The following SLIT3 variants were observed in gnomAD, a reference collection of about 807,000 sequenced individuals.
SLIT3 encodes the protein slit homolog 3 protein.
A neutral mutation model predicts 184.0 loss-of-function variants in SLIT3; 68 were observed. That is an observed-to-expected ratio of 0.37 (90% CI 0.30 to 0.45). SLIT3 has a LOEUF of 0.45. Among genes scored for constraint, SLIT3 ranks in the 20% least tolerant of loss-of-function variants. The pLI is 1.00. For synonymous variants in SLIT3, 831 were observed against 828.6 expected (o/e 1.00, Z -0.05); for missense variants, 1,707 against 2,026.0 (o/e 0.84, Z 3.02).
intron 3 of SLIT3, among the ~76,000 whole-genome samples, chr5:169,242,542 GCAGA>G (rs1765437713): frequency 6.6e-6 from 1 of 152,162 alleles, no homozygotes; most frequent in Non-Finnish European, 1.5e-5. Context: ...CTGGCTTGAT[GCAGA>G]CAAACACTGG....
chr5:169,215,240 C>T (rs951520150), intron 3 of SLIT3, among the ~76,000 whole-genome samples: 1 of 152,094 alleles, frequency 6.6e-6, no homozygotes, highest in Admixed American at 6.6e-5. Flanking sequence ...ACTCTCTCAC[C>T]TCTGGGCCTT....
chr5:169,287,555 T>G (rs1202695403), intron 1 of SLIT3, among the ~76,000 whole-genome samples: 1 of 152,104 alleles, frequency 6.6e-6, no homozygotes, highest in Admixed American at 6.5e-5. Flanking sequence ...TCTAATGCAT[T>G]TCCCTTTGGA....
intron 11 of SLIT3, among the ~76,000 whole-genome samples, chr5:168,786,212 C>T (rs541871937): frequency 5.9e-5 from 9 of 152,290 alleles, no homozygotes; most frequent in African/African-American, 2.2e-4. Flanking sequence ...CTGCTCCATT[C>T]CTGGGCAACC....
chr5:168,689,366 A>G (rs1475244177), intron 29 of SLIT3, among the ~76,000 whole-genome samples: 4 of 152,328 alleles, frequency 2.6e-5, no homozygotes, highest in Non-Finnish European at 5.9e-5. Context: ...GGGTCTATTG[A>G]TTCTGCACAA....
At chr5:168,965,673 G>A (rs955827399) in intron 4 of SLIT3, among the ~76,000 whole-genome samples, 1 of 152,172 alleles carries the variant, frequency 6.6e-6, no homozygotes, top group Non-Finnish European at 1.5e-5. Context: ...CCTACCCTAA[G>A]TACAGACAGA....
intron 4 of SLIT3, among the ~76,000 whole-genome samples, chr5:169,103,072 C>A (rs1472001059): frequency 6.6e-6 from 1 of 152,196 alleles, no homozygotes; most frequent in African/African-American, 2.4e-5. Flanking sequence ...CCACGCCCTA[C>A]TCATGGTATT....
At chr5:168,869,388 A>T (rs551648850) in intron 5 of SLIT3, among the ~76,000 whole-genome samples, 4 of 152,158 alleles carry the variant, frequency 2.6e-5, no homozygotes, top group Non-Finnish European at 5.9e-5. Context: ...ATCATCTGTA[A>T]ACTGGTGATG....
At chr5:169,237,968 T>C (rs1337237585) in intron 3 of SLIT3, among the ~76,000 whole-genome samples, 6 of 152,204 alleles carry the variant, frequency 3.9e-5, no homozygotes, top group Admixed American at 3.3e-4. Flanking sequence ...TTGAAAAGAT[T>C]ATTCCTTCTC....
In SLIT3 at chr5:169,110,060, C is replaced by G. The variant is rs74904104; in HGVS notation, c.413+83419G>C. Among the ~76,000 whole-genome samples, 117 of 152,296 alleles carry G rather than the reference C, an allele frequency of 7.7e-4. 4 individuals are homozygous for G. The East Asian group carries it at 0.022, about 28-fold the overall frequency. On this transcript the variant is annotated intron_variant, in intron 4 of 35. Coordinates refer to ENST00000519560, the MANE Select transcript of SLIT3 (RefSeq NM_003062.4). ...TTGTAGATAGATCATGTTGGCCAGG[C>G]TTGTCTTGAACTCCTGACCTCAGGT...
chr5:168,972,969 G>A (rs1490033495), intron 4 of SLIT3, among the ~76,000 whole-genome samples: 2 of 152,176 alleles, frequency 1.3e-5, no homozygotes, highest in Admixed American at 1.3e-4. Flanking sequence ...TAAAAGCAGA[G>A]ATGAAGTGTT....
rs1756959552 is a variant in SLIT3 at position 168,806,426 on chromosome 5, T to C, written c.935+20A>G. On this transcript the variant is annotated intron_variant, in intron 9 of 35. Transcript: ENST00000519560. ...ATTCTCCGGCGACAGTTGTTGGGGGTGTCAGACAGGTGCACTTACATTTCG... is the reference window on the plus strand; with the variant it reads ...ATTCTCCGGCGACAGTTGTTGGGGGCGTCAGACAGGTGCACTTACATTTCG... 1 of 1,613,750 alleles carries C rather than the reference T, an allele frequency of 6.2e-7. No individual in the cohort carries two copies. The highest frequency in any genetic ancestry group is 2.2e-5 in the East Asian group (1 of 44,892).
At chr5:169,126,488 T>G (rs1761085302) in intron 4 of SLIT3, among the ~76,000 whole-genome samples, 1 of 152,246 alleles carries the variant, frequency 6.6e-6, no homozygotes, top group Non-Finnish European at 1.5e-5. Flanking sequence ...GAAATGTCTT[T>G]GATTCATAGT....
chr5:169,257,776 A>C (rs1766025272), intron 1 of SLIT3, among the ~76,000 whole-genome samples: 1 of 151,792 alleles, frequency 6.6e-6, no homozygotes, highest in Non-Finnish European at 1.5e-5. Context: ...GCTGTTCTCA[A>C]ACTCCTGACC....
intron 4 of SLIT3, among the ~76,000 whole-genome samples, chr5:169,178,594 C>T (rs774576900): frequency 3.3e-5 from 5 of 152,156 alleles, no homozygotes; most frequent in South Asian, 2.1e-4. Flanking sequence ...CACACACACA[C>T]GATTCTTATT....
intron 20 of SLIT3, among the ~76,000 whole-genome samples, chr5:168,731,285 C>T (rs961676700): frequency 1.3e-5 from 2 of 151,770 alleles, no homozygotes; most frequent in African/African-American, 2.4e-5. Flanking sequence ...GAGACTGAAT[C>T]AGTAATACAA....
chr5:168,680,893 G>A (rs1761569901), intron 32 of SLIT3, among the ~76,000 whole-genome samples: 1 of 151,964 alleles, frequency 6.6e-6, no homozygotes, highest in South Asian at 2.1e-4. Flanking sequence ...GCTCACACCT[G>A]TAATCCCAGC....
rs150528782 is a variant in SLIT3, at chr5:168,735,661, T to TACACACAC, written c.2271-11185_2271-11178dup. 5.3e-3 allele frequency among the ~76,000 whole-genome samples: 760 copies of TACACACAC among 142,158 alleles called. 4 individuals are homozygous for TACACACAC. Among genetic ancestry groups the TACACACAC allele is most frequent in the South Asian group, 8.9e-3 (36 of 4,058 alleles). The allele number at this position is 142,158 out of a possible 152,430, so 93.3% of individuals were successfully genotyped here. ...ATACACATACATATAGACAGATAGA[T>TACACACAC]ACACACACACACACACACACACACA... On this transcript the variant is annotated intron_variant, in intron 20 of 35. Transcript: ENST00000519560.
intron 20 of SLIT3, among the ~76,000 whole-genome samples, chr5:168,731,606 C>A (rs147768566): frequency 1.3e-5 from 2 of 152,030 alleles, no homozygotes; most frequent in African/African-American, 4.8e-5. Flanking sequence ...GATAATAGAC[C>A]ATGATCAGGT....
chr5:169,152,065 A>T (rs756358348), intron 4 of SLIT3, among the ~76,000 whole-genome samples: 11 of 152,208 alleles, frequency 7.2e-5, no homozygotes, highest in Non-Finnish European at 1.5e-4. Flanking sequence ...TTTTGTTATT[A>T]TGGCTGAAAG....
Sources: allele counts gnomAD v4.1 joint callset (sites outside exome capture counted in the v4.1 genomes callset), GRCh38; gene constraint gnomAD v4.1.1; transcripts MANE v1.5; gene names NCBI Gene and HGNC (gene_info 2026-07-23, HGNC 2026-07-21).